The following LYST variants were observed in gnomAD, a reference collection of about 807,000 sequenced individuals.
LYST encodes lysosomal-trafficking regulator.
In LYST, 192 loss-of-function variants were observed where a neutral mutation model predicts 413.6. The ratio of observed to expected loss-of-function variants is 0.46; its 90% CI spans 0.41 to 0.52. The LOEUF (loss-of-function observed/expected upper bound fraction) is 0.52, where lower values mean the gene tolerates loss of function less well. LYST is among the 20% of genes least tolerant of loss of function. LYST has a pLI of 0.00. For missense variants in LYST, 3,815 were observed against 4,499.9 expected, an observed-to-expected ratio of 0.85 and a Z score of 4.35; for synonymous variants, 1,525 against 1,567.3, an observed-to-expected ratio of 0.97 and a Z score of 0.64.
chr1:235,794,719 C>T (rs969238091), intron 10 of LYST, among the ~76,000 whole-genome samples: 1 of 152,160 alleles, frequency 6.6e-6, no homozygotes, highest in African/African-American at 2.4e-5. Flanking sequence ...CAAAATAGTA[C>T]ATACATCTGG....
chr1:235,664,349 T>C lies in LYST; in HGVS notation c.11195+116A>G. On this transcript the variant is annotated intron_variant, in intron 51 of 52. Coordinates refer to ENST00000389793, the MANE Select transcript of LYST (RefSeq NM_000081.4). This position sits in a 1 kb window ranked among gnomAD's most constrained non-coding sequence, Gnocchi z 4.5. ...TAACTAAAGAACCTACACCCCAAGGTGAGTTTAAATCTCTAAATACTGAAT... is the reference window on the plus strand; with the variant it reads ...TAACTAAAGAACCTACACCCCAAGGCGAGTTTAAATCTCTAAATACTGAAT... 1 of 948,566 alleles carries C rather than the reference T, an allele frequency of 1.1e-6. No homozygotes were observed. The highest frequency in any genetic ancestry group is 1.6e-6 in the Non-Finnish European group (1 of 614,350). The allele number at this position is 948,566 out of a possible 1,614,324, so 58.8% of individuals were successfully genotyped here. A position where few individuals can be genotyped will look rare whatever the true frequency, so the allele number is the denominator to read the frequency against.
chr1:235,733,319 C>T (rs1286175658), intron 34 of LYST, among the ~76,000 whole-genome samples, 184 bp downstream of exon 34: 1 of 151,440 alleles, frequency 6.6e-6, no homozygotes, highest in Non-Finnish European at 1.5e-5. Context: ...ACTTTTCTTC[C>T]TCAAGAATTA....
intron 8 of LYST, among the ~76,000 whole-genome samples, chr1:235,802,193 C>CAAAA (rs35511208): frequency 8.9e-5 from 4 of 45,070 alleles, no homozygotes; most frequent in African/African-American, 1.6e-4. Flanking sequence ...GACTCCATTT[C>CAAAA]AAAAAAAAAA....
At chr1:235,757,538 T>C (rs974529453) in intron 23 of LYST, 80 bp from the exon 24 acceptor site, 1 of 1,006,848 alleles carries the variant, frequency 9.9e-7, no homozygotes, top group African/African-American at 1.6e-5. Context: ...TGACAAGTAG[T>C]AGCATTTTTT....
intron 1 of LYST, among the ~76,000 whole-genome samples, chr1:235,856,836 A>C (rs1390092832): frequency 1.3e-5 from 2 of 152,200 alleles, no homozygotes; most frequent in South Asian, 2.1e-4. Flanking sequence ...CTAAGTCATA[A>C]TGCAGTAAAG....
chr1:235,687,195 T>G (rs1382086505), intron 47 of LYST, 148 bp from the exon 48 acceptor site: 5 of 657,296 alleles, frequency 7.6e-6, no homozygotes, highest in East Asian at 2.9e-5. Flanking sequence ...AAACATTTCT[T>G]GAAACAGAAA....
chr1:235,746,721 G>A (rs953923173), intron 28 of LYST, among the ~76,000 whole-genome samples, 194 bp from the exon 29 acceptor site: 8 of 152,104 alleles, frequency 5.3e-5, no homozygotes, highest in African/African-American at 1.9e-4. Flanking sequence ...CAGTACTTTT[G>A]GTTTCAAAGT....
chr1:235,832,625 C>T (rs1676116021), intron 2 of LYST, among the ~76,000 whole-genome samples: 1 of 152,094 alleles, frequency 6.6e-6, no homozygotes, highest in Admixed American at 6.5e-5. Flanking sequence ...TGGCATACTG[C>T]TACATGTAAA....
At chr1:235,851,177 T>C (rs111692985) in intron 1 of LYST, among the ~76,000 whole-genome samples, 6 of 133,152 alleles carry the variant, frequency 4.5e-5, no homozygotes, top group African/African-American at 1.6e-4. Flanking sequence ...AGTATGTATG[T>C]ATATGTGTGT....
At chr1:235,690,187 G>C (rs1041700114) in intron 47 of LYST, among the ~76,000 whole-genome samples, 4 of 152,156 alleles carry the variant, frequency 2.6e-5, no homozygotes, top group Non-Finnish European at 5.9e-5. Context: ...TGTAAATACA[G>C]ATTACTGATG....
At chr1:235,781,546 A>G (rs988585740) in intron 15 of LYST, among the ~76,000 whole-genome samples, 1 of 152,078 alleles carries the variant, frequency 6.6e-6, no homozygotes, top group Non-Finnish European at 1.5e-5. Context: ...ATAAGATATA[A>G]TAAAATTATA....
rs1234107332 is a variant in LYST, at chr1:235,764,810, C to T, written c.6121+1269G>A. 2.0e-5 allele frequency among the ~76,000 whole-genome samples: 3 copies of T among 152,006 alleles called. No individual in the cohort carries two copies. In the East Asian group the frequency reaches 5.8e-4, roughly 29 times the overall value. ...GAGCCACCGTGCCTGGCCCCATTTA[C>T]TACATCTCTTAAAATGGCTATTGTA... On this transcript the variant is annotated intron_variant, in intron 21 of 52. Transcript: ENST00000389793.
In LYST at chr1:235,733,566, T is replaced by C; in HGVS notation, c.8738A>G (p.Tyr2913Cys). ...TCTGCTGGCACTCAAATCTACTTTA[T>C]ACATTCCTCTAATATGCTGGATCAC... ...KKVIQHIRGM[Y>C]KVDLSASRHW... Residue 2913 changes from tyrosine to cysteine, a missense_variant, in exon 34 of 53, where the codon TAT (tyrosine) becomes TGT (cysteine). Tyr to Cys is a radical substitution (Grantham distance 194). This residue lies in a region of LYST where 866 missense variants were observed against 1,156.0 expected (regional missense o/e 0.75). Transcript: ENST00000389793. 3.7e-6 allele frequency: 6 copies of C among 1,614,030 alleles called. No homozygotes were observed. Among genetic ancestry groups the C allele is most frequent in the African/African-American group, 1.3e-5 (1 of 75,048 alleles).
At position 235,810,198 on chromosome 1, in the gene LYST, C is replaced by T. The variant is rs377581916; in HGVS notation, c.620G>A (p.Arg207His). 36 of 1,613,980 alleles carry T rather than the reference C, an allele frequency of 2.2e-5. 1 individual carries two copies. The highest frequency in any genetic ancestry group is 1.7e-4 in the African/African-American group (13 of 74,988). Residue 207 changes from arginine (R) to histidine (H), a missense_variant, in exon 5 of 53, where the codon CGC becomes CAC. By Grantham distance (29) the Arg-to-His change is conservative (BLOSUM62 0). Coordinates refer to ENST00000389793, the MANE Select transcript of LYST (RefSeq NM_000081.4). ...AGGAGTCTGTTCTTTGGTTGCTAAG[C>T]GGTCAAGTTTAGCTTTGGGGTGGTC... ...KQDHPKAKLD[R>H]LATKEQTPPD...
intron 45 of LYST, among the ~76,000 whole-genome samples, chr1:235,698,962 A>G (rs1404541163): frequency 1.3e-5 from 2 of 152,214 alleles, no homozygotes; most frequent in African/African-American, 4.8e-5. Flanking sequence ...ATCATTCACA[A>G]TTCCTTGCCA....
intron 47 of LYST, among the ~76,000 whole-genome samples, chr1:235,689,576 G>A (rs567078963): frequency 5.9e-5 from 9 of 151,966 alleles, no homozygotes; most frequent in African/African-American, 1.2e-4. Flanking sequence ...GAGATCTAAC[G>A]TAGAGGATGG....
intron 48 of LYST, among the ~76,000 whole-genome samples, chr1:235,678,417 G>A (rs562403620): frequency 2.0e-5 from 3 of 152,250 alleles, no homozygotes; most frequent in South Asian, 2.1e-4. Context: ...TAATGCTACC[G>A]ATACTCAGCA....
chr1:235,724,197 G>A lies in LYST; in HGVS notation c.9163-17C>T. The A allele has an allele frequency of 1.2e-6, 2 of 1,600,416 alleles. No individual in the cohort carries two copies. The highest frequency in any genetic ancestry group is 1.7e-6 in the Non-Finnish European group (2 of 1,170,094). Reference sequence around the variant, plus strand: ...CTGAAGGCTCTAAGACAAAGAAATAGGCAAAAATATTTGTTTTACCGGAAA... The same window carrying A: ...CTGAAGGCTCTAAGACAAAGAAATAAGCAAAAATATTTGTTTTACCGGAAA... On this transcript the variant is annotated splice_polypyrimidine_tract_variant and intron_variant, in intron 38 of 52. Transcript: ENST00000389793.
chr1:235,860,131 T>C (rs1349224935), intron 1 of LYST, among the ~76,000 whole-genome samples: 3 of 152,142 alleles, frequency 2.0e-5, no homozygotes, highest in African/African-American at 7.2e-5. Flanking sequence ...AAATGTAAAA[T>C]ATGCAATTCT....
Sources: allele counts gnomAD v4.1 joint callset (sites outside exome capture counted in the v4.1 genomes callset), GRCh38; gene constraint gnomAD v4.1.1; regional missense constraint gnomAD v4.1.1; non-coding constraint Gnocchi (gnomAD v3.1); transcripts MANE v1.5; gene names NCBI Gene and HGNC (gene_info 2026-07-23, HGNC 2026-07-21).